PRKCE: variants seen among roughly 807,000 people sequenced by gnomAD.
The protein encoded by PRKCE is protein kinase C epsilon type.
A neutral mutation model predicts 85.4 loss-of-function variants in PRKCE; 16 were observed. The observed-to-expected ratio is 0.19, with a 90% CI of 0.13 to 0.28. PRKCE has a LOEUF of 0.28. PRKCE is among the 10% of genes least tolerant of loss of function. PRKCE has a pLI of 1.00. For synonymous variants in PRKCE, 388 were observed against 371.5 expected, an observed-to-expected ratio of 1.04 and a Z score of -0.51; for missense variants, 573 against 975.2, an observed-to-expected ratio of 0.59 and a Z score of 5.49.
At chr2:46,080,511 C>A (rs976607046) in intron 10 of PRKCE, among the ~76,000 whole-genome samples, 2 of 152,160 alleles carry the variant, frequency 1.3e-5, no homozygotes, top group Admixed American at 1.3e-4. Flanking sequence ...GCAATCTGAA[C>A]CATGTCCATG....
intron 10 of PRKCE, among the ~76,000 whole-genome samples, chr2:46,034,637 C>A (rs1707744086): frequency 6.6e-6 from 1 of 152,216 alleles, no homozygotes; most frequent in African/African-American, 2.4e-5. Flanking sequence ...GCCTTGGGAG[C>A]ACGCCGAGGC....
intron 11 of PRKCE, among the ~76,000 whole-genome samples, chr2:46,125,960 A>T (rs1159933803): frequency 6.6e-6 from 1 of 152,228 alleles, no homozygotes; most frequent in Non-Finnish European, 1.5e-5. Flanking sequence ...AATCTGCTCC[A>T]ACAGCATGGC....
chr2:46,010,996 G>A, intron 10 of PRKCE: 7 of 1,333,296 alleles, frequency 5.3e-6, no homozygotes, highest in Non-Finnish European at 6.8e-6. Context: ...CAAATATAAG[G>A]CAGCATTTTT....
intron 1 of PRKCE, among the ~76,000 whole-genome samples, chr2:45,787,380 G>A: frequency 6.6e-6 from 1 of 152,222 alleles, no homozygotes; most frequent in Non-Finnish European, 1.5e-5. Context: ...CACAAAGTCA[G>A]AGACATCTGA....
At chr2:46,150,296 T>C (rs1676491664) in intron 12 of PRKCE, among the ~76,000 whole-genome samples, 1 of 152,178 alleles carries the variant, frequency 6.6e-6, no homozygotes, top group South Asian at 2.1e-4. Context: ...CACCAGACAA[T>C]CAAGGAGATG....
chr2:45,652,304 G>C lies in PRKCE; in HGVS notation c.204G>C (p.Glu68Asp). The change falls in exon 1 of 15, where the codon GAG becomes GAC. Residue 68 changes from glutamate to aspartate, a missense_variant. By Grantham distance (45) the Glu-to-Asp change is conservative (BLOSUM62 2). Around this residue, in one of 11 missense-constraint regions of PRKCE, gnomAD observed 100 missense variants for 177.1 expected, o/e 0.56. Coordinates refer to ENST00000306156, the MANE Select transcript of PRKCE (RefSeq NM_005400.3). The surrounding 1 kb of genome is among the most constrained non-coding windows in gnomAD (Gnocchi z 7.7). ...QKTNSPAWHD[E>D]FVTDVCNGRK... ...CCAACAGCCCGGCCTGGCACGACGA[G>C]TTCGTCACCGATGTGTGCAACGGAC... 1 of 1,613,722 alleles carries C rather than the reference G, an allele frequency of 6.2e-7. No homozygotes were observed. The highest frequency in any genetic ancestry group is 8.5e-7 in the Non-Finnish European group (1 of 1,180,018).
At chr2:45,865,606 A>G (rs546633064) in intron 2 of PRKCE, among the ~76,000 whole-genome samples, 47 of 152,282 alleles carry the variant, frequency 3.1e-4, no homozygotes, top group African/African-American at 1.1e-3. Flanking sequence ...TCGCTTGTGA[A>G]TGAAAAGAAG....
intron 1 of PRKCE, among the ~76,000 whole-genome samples, chr2:45,776,420 G>C (rs570172771): frequency 2.0e-5 from 3 of 152,150 alleles, no homozygotes; most frequent in African/African-American, 7.2e-5. Context: ...CACTGCTCCT[G>C]AAGAGAACAA....
chr2:45,681,040 C>T (rs1380143664), intron 1 of PRKCE, among the ~76,000 whole-genome samples: 1 of 152,022 alleles, frequency 6.6e-6, no homozygotes, highest in African/African-American at 2.4e-5. Context: ...CCTGTAATCC[C>T]AGCACTTTGG....
At chr2:45,763,584 A>C (rs1684685421) in intron 1 of PRKCE, among the ~76,000 whole-genome samples, 1 of 151,240 alleles carries the variant, frequency 6.6e-6, no homozygotes, top group Non-Finnish European at 1.5e-5. Flanking sequence ...AGTTTTCAGC[A>C]TTTAAGTTTA....
At chr2:46,058,493 A>G (rs1666815385) in intron 10 of PRKCE, among the ~76,000 whole-genome samples, 4 of 152,204 alleles carry the variant, frequency 2.6e-5, no homozygotes, top group Admixed American at 2.6e-4. Flanking sequence ...AATCCCATAA[A>G]CCTGGCTTGG....
chr2:45,917,811 T>C (rs1056141484), intron 2 of PRKCE, among the ~76,000 whole-genome samples: 3 of 152,170 alleles, frequency 2.0e-5, no homozygotes, highest in African/African-American at 7.2e-5. Context: ...TCCCGAGCCC[T>C]GCCCCGCGGG....
intron 6 of PRKCE, among the ~76,000 whole-genome samples, chr2:45,990,911 C>T (rs1205314228): frequency 6.6e-6 from 1 of 152,132 alleles, no homozygotes; most frequent in Non-Finnish European, 1.5e-5. Context: ...ATCCGTCCTC[C>T]TCAGCCTCCC....
At chr2:45,796,862 C>T (rs1314648037) in intron 1 of PRKCE, among the ~76,000 whole-genome samples, 1 of 152,160 alleles carries the variant, frequency 6.6e-6, no homozygotes, top group Non-Finnish European at 1.5e-5. Context: ...AAGTGATCCT[C>T]GCGCCTCAGC....
intron 2 of PRKCE, among the ~76,000 whole-genome samples, chr2:45,959,212 C>G (rs1701216220): frequency 6.6e-6 from 1 of 151,980 alleles, no homozygotes; most frequent in African/African-American, 2.4e-5. Flanking sequence ...GCAGGAAGAC[C>G]TCTACTTCCA....
At chr2:45,914,977 C>T (rs1697657399) in intron 2 of PRKCE, among the ~76,000 whole-genome samples, 1 of 152,222 alleles carries the variant, frequency 6.6e-6, no homozygotes, top group South Asian at 2.1e-4. Flanking sequence ...GTCTCTGTCA[C>T]CTAGGCTAGA....
intron 10 of PRKCE, among the ~76,000 whole-genome samples, chr2:46,011,838 G>C (rs1157201993): frequency 6.6e-6 from 1 of 152,102 alleles, no homozygotes; most frequent in Non-Finnish European, 1.5e-5. Context: ...TGATCCAGTG[G>C]AATTTTTCCT....
rs530999808 is a variant in PRKCE, at chr2:45,752,058, C to A, written c.349-90942C>A. ...GGTCTCGATCTGCTGACCTCGTGAT[C>A]CGCCCGCCTCGGCCTTCCAAAGTGC... On this transcript the variant is annotated intron_variant, in intron 1 of 14. Coordinates refer to ENST00000306156, the MANE Select transcript of PRKCE (RefSeq NM_005400.3). 2.3e-3 allele frequency among the ~76,000 whole-genome samples: 342 copies of A among 151,242 alleles called. 3 individuals are homozygous for A. Among genetic ancestry groups the A allele is most frequent in the African/African-American group, 7.4e-3 (303 of 41,060 alleles).
rs367628974 is a variant in PRKCE at position 45,661,523 on chromosome 2, G to GTTTTTTTTT, written c.348+9081_348+9082insTTTTTTTTT. Reference sequence around the variant, plus strand: ...TTTTTTTTGTTTTGTTTTGTTTTTTGTTTTTTGTTTTTTTTTTTTTTTTTA... The same window carrying GTTTTTTTTT: ...TTTTTTTTGTTTTGTTTTGTTTTTTGTTTTTTTTTTTTTTTGTTTTTTTTTTTTTTTTTA... On this transcript the variant is annotated intron_variant, in intron 1 of 14. Coordinates refer to ENST00000306156, the MANE Select transcript of PRKCE (RefSeq NM_005400.3). Among the ~76,000 whole-genome samples, 58 of 96,654 alleles carry GTTTTTTTTT rather than the reference G, an allele frequency of 6.0e-4. 4 individuals carry two copies. Among genetic ancestry groups the GTTTTTTTTT allele is most frequent in the Non-Finnish European group, 7.5e-4 (38 of 50,332 alleles). 63.4% of individuals were successfully genotyped at this position (96,654 alleles called of 152,430 possible).
Sources: allele counts gnomAD v4.1 joint callset (sites outside exome capture counted in the v4.1 genomes callset), GRCh38; gene constraint gnomAD v4.1.1; regional missense constraint gnomAD v4.1.1; non-coding constraint Gnocchi (gnomAD v3.1); transcripts MANE v1.5; gene names NCBI Gene and HGNC (gene_info 2026-07-23, HGNC 2026-07-21).